Variants in SLC4A8 observed in about 807,000 individuals in gnomAD.
SLC4A8 encodes electroneutral sodium bicarbonate exchanger 1.
In SLC4A8, 40 loss-of-function variants were observed where a neutral mutation model predicts 125.0. The ratio of observed to expected loss-of-function variants is 0.32; its 90% confidence interval spans 0.25 to 0.42. The LOEUF (loss-of-function observed/expected upper bound fraction) is 0.42, where lower values mean the gene tolerates loss of function less well. Among genes scored for constraint, SLC4A8 ranks in the 10% least tolerant of loss-of-function variants. SLC4A8 has a pLI of 1.00. For missense variants in SLC4A8, 863 were observed against 1,355.1 expected, an observed-to-expected ratio of 0.64 and a Z score of 5.70; for synonymous variants, 456 against 476.0, an observed-to-expected ratio of 0.96 and a Z score of 0.55.
At chr12:51,418,390 G>A (rs1199982094) in intron 1 of SLC4A8, among the ~76,000 whole-genome samples, 2 of 152,306 alleles carry the variant, frequency 1.3e-5, no homozygotes, top group East Asian at 3.9e-4. Context: ...GCAGGGACAA[G>A]TTCCGGAGAG....
At chr12:51,463,369 GT>G (rs1274929264) in intron 10 of SLC4A8, among the ~76,000 whole-genome samples, 4 of 151,906 alleles carry the variant, frequency 2.6e-5, no homozygotes, top group Non-Finnish European at 4.4e-5. Context: ...GCAAGGCTTA[GT>G]TAGGAGTCAG....
At chr12:51,500,782 G>A (rs1937832289) in intron 22 of SLC4A8, among the ~76,000 whole-genome samples, 1 of 150,636 alleles carries the variant, frequency 6.6e-6, no homozygotes, top group African/African-American at 2.4e-5. Flanking sequence ...CGCCTCCCGG[G>A]TTCACGCCAT....
intron 1 of SLC4A8, 31 bp downstream of exon 1, chr12:51,425,066 C>T (rs781401154): frequency 3.0e-5 from 46 of 1,542,890 alleles, no homozygotes; most frequent in Middle Eastern, 4.2e-4. Flanking sequence ...CCTCCCGCTC[C>T]TCCCCGGGGC....
chr12:51,396,925 ATTTTTTTT>A (rs753146267), intron 1 of SLC4A8, among the ~76,000 whole-genome samples: 1 of 106,314 alleles, frequency 9.4e-6, no homozygotes. Context: ...GCCTTAGTTA[ATTTTTTTT>A]TTTTTTTTTT....
intron 22 of SLC4A8, 155 bp downstream of exon 22, chr12:51,497,279 G>A (rs1951487662): frequency 1.2e-6 from 1 of 815,280 alleles, no homozygotes; most frequent in African/African-American, 1.8e-5. Flanking sequence ...GAATGGATTA[G>A]GGATTCTTGC....
Position 51,493,736 on chromosome 12 carries a change from C to T in SLC4A8, c.2733C>T (p.Phe911=), listed in dbSNP as rs943851704. ...CAATGCCAGTACTCTACGGAGTTTTCCTTTACATGGGAGTTTCTTCACTAC... is the reference window on the plus strand; with the variant it reads ...CAATGCCAGTACTCTACGGAGTTTTTCTTTACATGGGAGTTTCTTCACTAC... ...FIPMPVLYGV[F]LYMGVSSLQG... Residue 911 remains phenylalanine (F), a synonymous_variant, in exon 20 of 25, where the codon TTC becomes TTT. Transcript: ENST00000453097. 17 of 1,611,022 alleles carry T rather than the reference C, an allele frequency of 1.1e-5. No homozygotes were observed. Among genetic ancestry groups the T allele is most frequent in the Middle Eastern group, 1.6e-4 (1 of 6,084 alleles).
chr12:51,455,769 G>A (rs1950129350), intron 5 of SLC4A8, among the ~76,000 whole-genome samples: 2 of 152,116 alleles, frequency 1.3e-5, no homozygotes, highest in Admixed American at 6.5e-5. Flanking sequence ...GGGACATTGG[G>A]CCCCCCTCTT....
intron 19 of SLC4A8, 111 bp from the exon 20 acceptor site, chr12:51,493,593 C>A: frequency 1.4e-6 from 1 of 739,818 alleles, no homozygotes; most frequent in Non-Finnish European, 2.4e-6. Flanking sequence ...AATGTGTCTG[C>A]AGCTATTTTG....
upstream of SLC4A8, among the ~76,000 whole-genome samples, chr12:51,423,619 A>T (rs1313055128): frequency 6.6e-6 from 1 of 152,200 alleles, no homozygotes; most frequent in Admixed American, 6.5e-5. Context: ...AAGTTTTAAC[A>T]TGTATCAGAC....
chr12:51,402,747 G>A (rs1181745803), intron 1 of SLC4A8, among the ~76,000 whole-genome samples: 1 of 152,160 alleles, frequency 6.6e-6, no homozygotes, highest in Non-Finnish European at 1.5e-5. Context: ...GAAAGCTAAA[G>A]TGGTCAGGGT....
intron 4 of SLC4A8, among the ~76,000 whole-genome samples, chr12:51,452,879 G>A (rs1362985772): frequency 1.3e-5 from 2 of 152,188 alleles, no homozygotes; most frequent in Admixed American, 6.5e-5. Context: ...TGAACCTTAC[G>A]GATGATGCCT....
rs1949942002 is a variant in SLC4A8, at chr12:51,450,861, T to C, written c.131-15T>C. 2 of 1,613,306 alleles carry C rather than the reference T, an allele frequency of 1.2e-6. No individual in the cohort carries two copies. The highest frequency in any genetic ancestry group is 1.7e-6 in the Non-Finnish European group (2 of 1,179,568). On this transcript the variant is annotated splice_polypyrimidine_tract_variant and intron_variant, in intron 2 of 24. Coordinates refer to ENST00000453097, the MANE Select transcript of SLC4A8 (RefSeq NM_001039960.3). ...CTAAAGGAGTTCTCTCCACAGACCT[T>C]CTGCTTCTTTCCAGGTCACAGAACT...
chr12:51,414,587 C>CA (rs1416762952), intron 1 of SLC4A8, among the ~76,000 whole-genome samples: 6 of 151,946 alleles, frequency 3.9e-5, no homozygotes, highest in East Asian at 1.9e-4. Flanking sequence ...CTCGTCTCTA[C>CA]AAAAAATCAT....
intron 5 of SLC4A8, among the ~76,000 whole-genome samples, chr12:51,455,891 C>T (rs552300391): frequency 1.3e-5 from 2 of 152,296 alleles, no homozygotes; most frequent in South Asian, 2.1e-4. Context: ...TCTGAAATCC[C>T]ATGAATGTTC....
rs1019308707 is a variant in SLC4A8, at chr12:51,509,277, G to A, written c.*1839G>A. On this transcript the variant is annotated 3_prime_UTR_variant, in exon 25 of 25. Coordinates refer to ENST00000453097, the MANE Select transcript of SLC4A8 (RefSeq NM_001039960.3). ...TAGCTTCCTTTCATATATATATGGTGCAGACAGGATAGGTCATGCTTCTTG... is the reference window on the plus strand; with the variant it reads ...TAGCTTCCTTTCATATATATATGGTACAGACAGGATAGGTCATGCTTCTTG... 2 of 152,388 alleles carry A rather than the reference G, an allele frequency of 1.3e-5. No homozygotes were observed. Among genetic ancestry groups the A allele is most frequent in the African/African-American group, 4.8e-5 (2 of 41,432 alleles). The allele number at this position is 152,388 out of a possible 1,614,324, so 9.4% of individuals were successfully genotyped here. A position where few individuals can be genotyped will look rare whatever the true frequency, so the allele number is the denominator to read the frequency against.
chr12:51,463,596 G>A lies in SLC4A8; in HGVS notation c.1249-18G>A. On this transcript the variant is annotated intron_variant, in intron 10 of 24. Transcript: ENST00000453097. ...GATAGATGTTACCTTTACTAATTTTGTGGTCTTCTGTTAAAAGGAGAAAAG... is the reference window on the plus strand; with the variant it reads ...GATAGATGTTACCTTTACTAATTTTATGGTCTTCTGTTAAAAGGAGAAAAG... The A allele has an allele frequency of 1.3e-6, 2 of 1,569,086 alleles. No homozygotes were observed. The highest frequency in any genetic ancestry group is 1.8e-6 in the Non-Finnish European group (2 of 1,139,042).
intron 19 of SLC4A8, among the ~76,000 whole-genome samples, chr12:51,490,494 C>T (rs1191247936): frequency 5.5e-5 from 8 of 144,398 alleles, no homozygotes; most frequent in East Asian, 4.2e-4. Flanking sequence ...ACCCAGGAGG[C>T]GGAGCTTGCA....
At chr12:51,489,041 A>G (rs950406867) in intron 18 of SLC4A8, among the ~76,000 whole-genome samples, 181 bp downstream of exon 18, 1 of 152,246 alleles carries the variant, frequency 6.6e-6, no homozygotes, top group South Asian at 2.1e-4. Context: ...GTTGTATGGT[A>G]TGAAAGCAAC....
rs185541399 is a variant in SLC4A8, at chr12:51,398,456, A to G, written c.-112+6968A>G. Among the ~76,000 whole-genome samples, 191 of 152,310 alleles carry G rather than the reference A, an allele frequency of 1.3e-3. 2 individuals carry two copies. Among genetic ancestry groups the G allele is most frequent in the African/African-American group, 4.4e-3 (184 of 41,568 alleles). On this transcript the variant is annotated intron_variant, in intron 1 of 24. Transcript: ENST00000358657. ...TCAAGTGCCCAAGATCTGTCCTTTCACAGTAGAGAAATTTCACAACTGCAA... is the reference window on the plus strand; with the variant it reads ...TCAAGTGCCCAAGATCTGTCCTTTCGCAGTAGAGAAATTTCACAACTGCAA...
Sources: allele counts gnomAD v4.1 joint callset (sites outside exome capture counted in the v4.1 genomes callset), GRCh38; gene constraint gnomAD v4.1.1; transcripts MANE v1.5; gene names NCBI Gene and HGNC (gene_info 2026-07-23, HGNC 2026-07-21).